Variants in HCK observed in about 807,000 individuals in gnomAD.
HCK encodes the protein tyrosine-protein kinase HCK.
Under a neutral mutation model 70.4 loss-of-function variants are expected in HCK, and 40 were observed. That is an observed-to-expected ratio of 0.57 (90% confidence interval 0.44 to 0.74). HCK has a LOEUF of 0.74. Ranked by LOEUF, HCK falls within the 30% of genes least tolerant of loss-of-function variation. The probability of loss-of-function intolerance (pLI) is 0.00; values close to 1 mark genes in which losing one functional copy is unlikely to be tolerated. For missense variants in HCK, 568 were observed against 697.2 expected (o/e 0.81, Z 2.09); for synonymous variants, 245 against 263.2 (o/e 0.93, Z 0.67).
intron 1 of HCK, among the ~76,000 whole-genome samples, chr20:32,064,079 C>T (rs1235461488): frequency 7.0e-6 from 1 of 142,480 alleles, no homozygotes; most frequent in African/African-American, 2.7e-5. Flanking sequence ...TCTCGGCTCA[C>T]TGCAACCTCC....
intron 11 of HCK, among the ~76,000 whole-genome samples, chr20:32,094,705 A>AAAAGAAAGAAAGAAAG (rs71185377): frequency 1.6e-4 from 12 of 74,910 alleles, no homozygotes; most frequent in African/African-American, 3.9e-4. Context: ...AAAAGAAAAG[A>AAAAGAAAGAAAGAAAG]AAAGAAAGAA....
At chr20:32,052,608 G>A in intron 1 of HCK, 122 bp downstream of exon 1, 4 of 672,504 alleles carry the variant, frequency 5.9e-6, no homozygotes, top group Non-Finnish European at 6.4e-6. Flanking sequence ...GAGGGGAGAC[G>A]GAACGTCGGG....
At chr20:32,059,354 C>T (rs1436526441) in intron 1 of HCK, among the ~76,000 whole-genome samples, 2 of 148,770 alleles carry the variant, frequency 1.3e-5, no homozygotes, top group Non-Finnish European at 3.0e-5. Context: ...TTCCCCCCTT[C>T]TCCTCCTCCT....
chr20:32,080,347 C>T (rs113881144), intron 6 of HCK, among the ~76,000 whole-genome samples: 15,864 of 151,992 alleles, frequency 0.1, 1,195 homozygotes, highest in African/African-American at 0.21. Flanking sequence ...TACAAGTGCT[C>T]GCCACCATGC....
chr20:32,070,917 G>T (rs1322858312), intron 1 of HCK, among the ~76,000 whole-genome samples: 8 of 146,228 alleles, frequency 5.5e-5, no homozygotes, highest in African/African-American at 2.6e-5. Flanking sequence ...GGACAGAGGA[G>T]GGGGAAGGAG....
intron 1 of HCK, among the ~76,000 whole-genome samples, chr20:32,062,441 A>C (rs549560846): frequency 4.5e-4 from 68 of 152,342 alleles, no homozygotes; most frequent in African/African-American, 1.4e-3. Flanking sequence ...AACATTGAAC[A>C]TGCTATGAGT....
At chr20:32,062,916 A>T (rs2045401207) in intron 1 of HCK, among the ~76,000 whole-genome samples, 1 of 152,132 alleles carries the variant, frequency 6.6e-6, no homozygotes, top group Non-Finnish European at 1.5e-5. Context: ...CTGTTCTGAG[A>T]AGGGAAAGTT....
intron 3 of HCK, 82 bp from the exon 4 acceptor site, chr20:32,073,634 G>C (rs1238908554): frequency 1.1e-6 from 1 of 912,224 alleles, no homozygotes; most frequent in Non-Finnish European, 1.8e-6. Flanking sequence ...GTGCGGAGCT[G>C]TTCCAGGTGC....
At chr20:32,078,702 CA>C in intron 5 of HCK, among the ~76,000 whole-genome samples, 1 of 151,700 alleles carries the variant, frequency 6.6e-6, no homozygotes, top group African/African-American at 2.4e-5. Flanking sequence ...ACTAAAAATA[CA>C]AAAATTAGCT....
At chr20:32,082,204 G>C (rs993895450) in intron 6 of HCK, among the ~76,000 whole-genome samples, 2 of 151,902 alleles carry the variant, frequency 1.3e-5, no homozygotes, top group African/African-American at 4.8e-5. Context: ...TACCCCATGA[G>C]GTTATTCATT....
rs756848531 is a variant in HCK at position 32,101,356 on chromosome 20, G to C, written c.1418G>C (p.Gly473Ala). 9 of 1,614,208 alleles carry C rather than the reference G, an allele frequency of 5.6e-6. No homozygotes were observed. Among genetic ancestry groups the C allele is most frequent in the Non-Finnish European group, 7.6e-6 (9 of 1,180,034 alleles). Residue 473 changes from glycine (G) to alanine (A), a missense_variant, in exon 13 of 13, where the codon GGA becomes GCA. Physicochemically the swap from Gly to Ala is moderately conservative, Grantham distance 60. Transcript: ENST00000375852. ...GAAGTGATCCGAGCTCTGGAGCGTGGATACCGGATGCCTCGCCCAGAGAAC... is the reference window on the plus strand; with the variant it reads ...GAAGTGATCCGAGCTCTGGAGCGTGCATACCGGATGCCTCGCCCAGAGAAC...
chr20:32,063,786 T>G (rs1432584977), intron 1 of HCK, among the ~76,000 whole-genome samples: 1 of 151,500 alleles, frequency 6.6e-6, no homozygotes, highest in Non-Finnish European at 1.5e-5. Context: ...GGGAAATAAA[T>G]CCAACTCAAA....
At chr20:32,094,838 AAAGAAAGAAAGAAAAG>A (rs1265899510) in intron 11 of HCK, among the ~76,000 whole-genome samples, 3 of 124,892 alleles carry the variant, frequency 2.4e-5, no homozygotes, top group South Asian at 2.6e-4. Flanking sequence ...AGAAAGAAAG[AAAGAAAGAAAGAAAAG>A]AAAGAAAGAG....
chr20:32,074,496 C>T, intron 4 of HCK, 127 bp from the exon 5 acceptor site: 1 of 697,502 alleles, frequency 1.4e-6, no homozygotes, highest in South Asian at 1.6e-5. Context: ...GACATAGTCA[C>T]AGCCCTGTCC....
rs922220222 is a variant in HCK, at chr20:32,073,709, T to A, written c.227-7T>A. 4.5e-6 allele frequency: 7 copies of A among 1,551,190 alleles called. No individual in the cohort carries two copies. Among genetic ancestry groups the A allele is most frequent in the Middle Eastern group, 1.8e-4 (1 of 5,676 alleles). On this transcript the variant is annotated splice_region_variant and splice_polypyrimidine_tract_variant and intron_variant, in intron 3 of 12. Coordinates refer to ENST00000375852, the MANE Select transcript of HCK (RefSeq NM_002110.5). ...AAACCTCACCCTCTGTGTGTCTCCC[T>A]TCCCAGCAGGCTCTGAGGACATCAT...
chr20:32,053,994 GT>G (rs2096086507), intron 1 of HCK, among the ~76,000 whole-genome samples: 1 of 149,244 alleles, frequency 6.7e-6, no homozygotes, highest in Non-Finnish European at 1.5e-5. Context: ...TCTCTTTATG[GT>G]CCTTTTTTTT....
chr20:32,094,744 A>AGAAG (rs2045916155), intron 11 of HCK, among the ~76,000 whole-genome samples: 1 of 134,062 alleles, frequency 7.5e-6, no homozygotes, highest in African/African-American at 2.8e-5. Context: ...AAAGAAAGAA[A>AGAAG]GAAAGAAAGA....
chr20:32,054,410 A>AAGTCGC (rs2045233147), intron 1 of HCK: 2 of 408,680 alleles, frequency 4.9e-6, no homozygotes. Context: ...GGGGAAGCAG[A>AAGTCGC]AGTCGCAGTG....
intron 1 of HCK, among the ~76,000 whole-genome samples, chr20:32,065,967 A>G (rs1353944897): frequency 6.6e-6 from 1 of 152,150 alleles, no homozygotes; most frequent in Non-Finnish European, 1.5e-5. Flanking sequence ...GTTAAAATGC[A>G]CATTCTGATT....
Sources: gnomAD v4.1 joint callset for allele counts (sites outside exome capture counted in the v4.1 genomes callset) on GRCh38, gnomAD v4.1.1 for gene constraint, MANE v1.5 for transcripts, NCBI Gene and HGNC (gene_info 2026-07-23, HGNC 2026-07-21) for gene names.